The following LGR6 variants were observed in gnomAD, a reference collection of about 807,000 sequenced individuals.
The protein encoded by LGR6 is leucine-rich repeat-containing G protein-coupled receptor 6.
In LGR6, 45 loss-of-function variants were observed where a neutral mutation model predicts 69.4. That is an observed-to-expected ratio of 0.65 (90% CI 0.51 to 0.83). The LOEUF (loss-of-function observed/expected upper bound fraction) is 0.83, where lower values mean the gene tolerates loss of function less well. LGR6 is among the 40% of genes least tolerant of loss of function. The pLI is 0.00. For missense variants in LGR6, 1,108 were observed against 1,246.7 expected (o/e 0.89, Z 1.68); for synonymous variants, 538 against 555.0 (o/e 0.97, Z 0.43).
At chr1:202,222,441 C>T (rs1660224354) in intron 1 of LGR6, among the ~76,000 whole-genome samples, 1 of 152,102 alleles carries the variant, frequency 6.6e-6, no homozygotes, top group African/African-American at 2.4e-5. Context: ...CATGGAGGGA[C>T]ATCAGAGGCT....
At chr1:202,312,534 G>A (rs1431564167) in intron 16 of LGR6, among the ~76,000 whole-genome samples, 1 of 152,044 alleles carries the variant, frequency 6.6e-6, no homozygotes, top group Non-Finnish European at 1.5e-5. Context: ...TAAGTGAGGA[G>A]GAAGGATCCA....
In LGR6 at chr1:202,318,070, C is replaced by T. The variant is rs376144114; in HGVS notation, c.1767C>T (p.Gly589=). The T allele has an allele frequency of 8.2e-5, 133 of 1,614,206 alleles. No individual in the cohort carries two copies. The highest frequency in any genetic ancestry group is 1.6e-4 in the Middle Eastern group (1 of 6,062). ...NGLVLLTVFA[G]GPVPLPPVKF... is the part of the protein sequence containing the mutation. ...TGGTGCTGCTGACCGTGTTCGCTGGCGGGCCTGTCCCCCTGCCCCCGGTCA... is the reference window on the plus strand; with the variant it reads ...TGGTGCTGCTGACCGTGTTCGCTGGTGGGCCTGTCCCCCTGCCCCCGGTCA... Residue 589 remains glycine (G), a synonymous_variant, in exon 18 of 18, where the codon GGC becomes GGT. Transcript: ENST00000367278.
rs267598308 is a variant in LGR6, at chr1:202,318,971, G to A, written c.2668G>A (p.Gly890Arg). 8 of 1,613,640 alleles carry A rather than the reference G, an allele frequency of 5.0e-6. No individual in the cohort carries two copies. Among genetic ancestry groups the A allele is most frequent in the African/African-American group, 1.3e-5 (1 of 74,910 alleles). Residue 890 changes from glycine to arginine, a missense_variant, in exon 18 of 18, where the codon GGG becomes AGG. Physicochemically the swap from Gly to Arg is moderately radical, Grantham distance 125 (BLOSUM62 -2). Coordinates refer to ENST00000367278, the MANE Select transcript of LGR6 (RefSeq NM_001017403.2). Reference protein sequence around the residue: ...LEASEAGRPPGLETYGFPSVT... With the variant: ...LEASEAGRPPRLETYGFPSVT... ...AGCTTCTGAAGCTGGGCGGCCCCCTGGGCTGGAGACCTATGGCTTCCCCTC... is the reference window on the plus strand; with the variant it reads ...AGCTTCTGAAGCTGGGCGGCCCCCTAGGCTGGAGACCTATGGCTTCCCCTC...
At chr1:202,258,958 G>A (rs937912035) in intron 4 of LGR6, among the ~76,000 whole-genome samples, 1 of 151,948 alleles carries the variant, frequency 6.6e-6, no homozygotes, top group African/African-American at 2.4e-5. Context: ...ACCATGTTGA[G>A]AAAGTATTTC....
At chr1:202,244,968 G>A (rs1662525513) in intron 4 of LGR6, among the ~76,000 whole-genome samples, 1 of 152,210 alleles carries the variant, frequency 6.6e-6, no homozygotes, top group Admixed American at 6.5e-5. Context: ...GGGGCAACAA[G>A]GCCAGAGGTC....
chr1:202,235,102 C>T (rs1157165553), intron 3 of LGR6, among the ~76,000 whole-genome samples: 1 of 152,188 alleles, frequency 6.6e-6, no homozygotes, highest in African/African-American at 2.4e-5. Flanking sequence ...TCAAAACTTT[C>T]TAAGTCCCCT....
intron 4 of LGR6, among the ~76,000 whole-genome samples, chr1:202,257,347 T>C (rs957242335): frequency 2.0e-5 from 3 of 152,212 alleles, no homozygotes; most frequent in African/African-American, 7.2e-5. Context: ...TGTTGTACTT[T>C]TGGTGTTATA....
intron 11 of LGR6, 69 bp from the exon 12 acceptor site, chr1:202,305,615 C>T: frequency 7.4e-7 from 1 of 1,351,390 alleles, no homozygotes; most frequent in East Asian, 2.3e-5. Context: ...TGGCTAGAGC[C>T]CCCCGTCCCC....
chr1:202,263,082 C>T (rs1395510056), intron 4 of LGR6, among the ~76,000 whole-genome samples: 1 of 151,856 alleles, frequency 6.6e-6, no homozygotes, highest in Non-Finnish European at 1.5e-5. Context: ...TGTCAAATAA[C>T]TTCTACTACA....
intron 7 of LGR6, among the ~76,000 whole-genome samples, chr1:202,300,206 C>T (rs867351356): frequency 1.3e-5 from 2 of 152,214 alleles, no homozygotes; most frequent in Middle Eastern, 3.2e-3. Flanking sequence ...AGGGCTCTCA[C>T]GACAAATGAC....
chr1:202,314,004 A>G (rs1367515913), intron 16 of LGR6, among the ~76,000 whole-genome samples: 1 of 152,222 alleles, frequency 6.6e-6, no homozygotes, highest in African/African-American at 2.4e-5. Context: ...GCCCAGTGCC[A>G]GAATTGCACT....
At chr1:202,297,697 C>T in intron 7 of LGR6, 121 bp downstream of exon 7, 7 of 734,078 alleles carry the variant, frequency 9.5e-6, no homozygotes, top group Non-Finnish European at 1.6e-5. Context: ...AAAGATGTAG[C>T]TGTCCCCCAC....
At chr1:202,292,381 G>A (rs1381320514) in intron 6 of LGR6, among the ~76,000 whole-genome samples, 1 of 152,226 alleles carries the variant, frequency 6.6e-6, no homozygotes, top group Admixed American at 6.5e-5. Context: ...CATATAGACT[G>A]AAACATGTAT....
chr1:202,298,846 C>T (rs896956056), intron 7 of LGR6, among the ~76,000 whole-genome samples: 2 of 151,888 alleles, frequency 1.3e-5, no homozygotes, highest in Non-Finnish European at 2.9e-5. Context: ...TAGCTCAAAC[C>T]ACCCCCACCA....
intron 1 of LGR6, among the ~76,000 whole-genome samples, chr1:202,211,864 C>T (rs1221361279): frequency 2.0e-5 from 3 of 152,114 alleles, no homozygotes; most frequent in Non-Finnish European, 4.4e-5. Context: ...AAGATAGCAA[C>T]GATCGTGATT....
intron 5 of LGR6, among the ~76,000 whole-genome samples, chr1:202,279,198 T>C (rs181707309): frequency 6.6e-6 from 1 of 152,196 alleles, no homozygotes; most frequent in Admixed American, 6.5e-5. Flanking sequence ...ATGGGAAAAA[T>C]TAAAACTCCT....
intron 1 of LGR6, among the ~76,000 whole-genome samples, chr1:202,210,528 C>T (rs539292079): frequency 5.3e-4 from 80 of 152,004 alleles, no homozygotes; most frequent in Non-Finnish European, 5.0e-4. Context: ...GTAGCACTAA[C>T]CTGGCTCCAC....
intron 6 of LGR6, among the ~76,000 whole-genome samples, chr1:202,290,271 G>T (rs539092299): frequency 1.3e-5 from 2 of 152,280 alleles, no homozygotes; most frequent in South Asian, 4.2e-4. Flanking sequence ...TGCACAGAAG[G>T]CAAGAACTCT....
At chr1:202,237,365 AG>A (rs923831329) in intron 4 of LGR6, among the ~76,000 whole-genome samples, 68 of 152,372 alleles carry the variant, frequency 4.5e-4, no homozygotes, top group African/African-American at 1.6e-3. Context: ...ACATTTGCCT[AG>A]GGCACCAGCG....
Sources: allele counts gnomAD v4.1 joint callset (sites outside exome capture counted in the v4.1 genomes callset), GRCh38; gene constraint gnomAD v4.1.1; transcripts MANE v1.5; gene names NCBI Gene and HGNC (gene_info 2026-07-23, HGNC 2026-07-21).